FYB1: variants seen among roughly 807,000 people sequenced by gnomAD.
The protein encoded by FYB1 is FYN binding protein 1.
FYB1 carries 41 observed loss-of-function variants against 94.1 expected under a neutral mutation model. That is an observed-to-expected ratio of 0.44 (90% CI 0.34 to 0.57). The LOEUF (loss-of-function observed/expected upper bound fraction) is 0.57. FYB1 is among the 20% of genes least tolerant of loss of function. The pLI, the probability that FYB1 is intolerant of heterozygous loss-of-function variation, is 0.02. For missense variants in FYB1, 1,050 were observed against 976.8 expected, an observed-to-expected ratio of 1.07 and a Z score of -1.00; for synonymous variants, 367 against 353.2, an observed-to-expected ratio of 1.04 and a Z score of -0.44.
At chr5:39,120,590 T>TG (rs1739998902) in intron 14 of FYB1, among the ~76,000 whole-genome samples, 1 of 152,150 alleles carries the variant, frequency 6.6e-6, no homozygotes. Flanking sequence ...TTTAAGAGCT[T>TG]CCCACATGAT....
intron 1 of FYB1, among the ~76,000 whole-genome samples, chr5:39,257,416 AT>A (rs11357799): frequency 0.23 from 33,959 of 145,256 alleles, 5,958 homozygotes; most frequent in African/African-American, 0.51. Context: ...GTCTTGCAGA[AT>A]TTTTTTTTTT....
intron 17 of FYB1, among the ~76,000 whole-genome samples, chr5:39,108,739 T>C (rs1342986895): frequency 1.3e-5 from 2 of 152,090 alleles, no homozygotes; most frequent in Non-Finnish European, 2.9e-5. Context: ...TATAATAAAA[T>C]ATATAAATAT....
intron 1 of FYB1, among the ~76,000 whole-genome samples, chr5:39,264,788 T>C (rs945581074): frequency 6.6e-6 from 1 of 152,182 alleles, no homozygotes; most frequent in African/African-American, 2.4e-5. Context: ...GTGATTCCCA[T>C]GTGCAGCCAG....
Position 39,118,946 on chromosome 5 carries a change from G to T in FYB1, c.2329C>A (p.Pro777Thr). The change falls in exon 16 of 19, where the codon CCT becomes ACT. Residue 777 changes from proline (P) to threonine (T), a missense_variant. Coordinates refer to ENST00000512982, the MANE Select transcript of FYB1 (RefSeq NM_001465.6). ...KWGTRDLQVK[P>T]GESLEVIQTT... ...TGTATAACTTCTAGAGATTCACCAG[G>T]TTTTACCTGTAGATCTCTGGTTCCC... 2 of 1,573,350 alleles carry T rather than the reference G, an allele frequency of 1.3e-6. No homozygotes were observed.
In FYB1 at chr5:39,126,009, A is replaced by T. The variant is rs915515261; in HGVS notation, c.2034T>A (p.Asn678Lys). ...EKPKVSDSDN[N>K]EGSSFPAPPK... ...TGGTTGACTCTTACGATGAACCTTC[A>T]TTATTGTCTGAGTCAGAGACTTTAG... The change falls in exon 12 of 19, where the codon AAT becomes AAA. Residue 678 changes from asparagine to lysine, a missense_variant. Coordinates refer to ENST00000512982, the MANE Select transcript of FYB1 (RefSeq NM_001465.6). 7 of 1,613,156 alleles carry T rather than the reference A, an allele frequency of 4.3e-6. No homozygotes were observed. The highest frequency in any genetic ancestry group is 5.9e-6 in the Non-Finnish European group (7 of 1,179,582).
At chr5:39,147,848 T>C (rs1742816683) in intron 3 of FYB1, among the ~76,000 whole-genome samples, 1 of 151,382 alleles carries the variant, frequency 6.6e-6, no homozygotes, top group South Asian at 2.1e-4. Flanking sequence ...GCCCGGCTAA[T>C]TTTTTGTATT....
At chr5:39,207,861 G>C (rs1749001508) in intron 1 of FYB1, among the ~76,000 whole-genome samples, 1 of 152,192 alleles carries the variant, frequency 6.6e-6, no homozygotes, top group African/African-American at 2.4e-5. Flanking sequence ...CAGGGAAGGG[G>C]TTGGGTAGAG....
At chr5:39,249,756 C>G (rs113668991) in intron 1 of FYB1, among the ~76,000 whole-genome samples, 24 of 152,256 alleles carry the variant, frequency 1.6e-4, no homozygotes, top group African/African-American at 5.8e-4. Context: ...GAGGGATGCA[C>G]TCAGCAAGTT....
intron 9 of FYB1, among the ~76,000 whole-genome samples, chr5:39,132,598 G>A (rs1233741824): frequency 1.3e-5 from 2 of 152,138 alleles, no homozygotes; most frequent in African/African-American, 2.4e-5. Context: ...GGTATGTATG[G>A]ATTCAATAAA....
At chr5:39,177,562 A>T (rs1745852080) in intron 2 of FYB1, among the ~76,000 whole-genome samples, 1 of 152,212 alleles carries the variant, frequency 6.6e-6, no homozygotes, top group African/African-American at 2.4e-5. Context: ...AGTTCTCTAC[A>T]ACGTATTGTG....
At position 39,125,928 on chromosome 5, in the gene FYB1, A is replaced by G. The variant is rs1424885062; in HGVS notation, c.2045+70T>C. The stretch of plus-strand genomic sequence containing the variant: ...AGAATTTGGTTATTGGTTATAGAAT[A>G]TTAGTAGCATTTGATTCAATACATA... On this transcript the variant is annotated intron_variant, in intron 12 of 18. Transcript: ENST00000512982. The G allele has an allele frequency of 4.1e-6, 6 of 1,449,774 alleles. No homozygotes were observed. The African/African-American group carries it at 7.1e-5, about 17-fold the overall frequency. The allele number at this position is 1,449,774 out of a possible 1,614,324, so 89.8% of individuals were successfully genotyped here.
intron 2 of FYB1, among the ~76,000 whole-genome samples, chr5:39,159,018 G>T (rs17380048): frequency 0.17 from 26,318 of 152,034 alleles, 2,532 homozygotes; most frequent in Non-Finnish European, 0.22. Context: ...GGGAGTAATC[G>T]AGCCCTAACT....
intron 1 of FYB1, among the ~76,000 whole-genome samples, chr5:39,225,301 G>A (rs184868608): frequency 1.4e-4 from 22 of 152,286 alleles, no homozygotes; most frequent in Admixed American, 1.4e-3. Flanking sequence ...AGGCTGGGAA[G>A]GCTCCAGAGT....
chr5:39,208,018 C>T (rs1749016026), intron 1 of FYB1, among the ~76,000 whole-genome samples: 1 of 152,104 alleles, frequency 6.6e-6, no homozygotes, highest in Non-Finnish European at 1.5e-5. Flanking sequence ...AGGAAGTCTG[C>T]TTTTAATTTT....
At chr5:39,125,595 T>C (rs1398260592) in intron 12 of FYB1, among the ~76,000 whole-genome samples, 1 of 152,186 alleles carries the variant, frequency 6.6e-6, no homozygotes, top group African/African-American at 2.4e-5. Flanking sequence ...TAAAATACTA[T>C]GCAGTAAAAT....
chr5:39,130,173 G>A (rs1741063906), intron 10 of FYB1, among the ~76,000 whole-genome samples: 2 of 152,076 alleles, frequency 1.3e-5, no homozygotes, highest in Non-Finnish European at 2.9e-5. Context: ...AATACTGCAT[G>A]TACTCACACA....
At chr5:39,230,580 G>T (rs1308747596) in intron 1 of FYB1, among the ~76,000 whole-genome samples, 1 of 151,916 alleles carries the variant, frequency 6.6e-6, no homozygotes, top group Non-Finnish European at 1.5e-5. Flanking sequence ...ATATGTGTGT[G>T]TGTATATATG....
At chr5:39,222,189 A>G (rs1433704788), upstream of FYB1, among the ~76,000 whole-genome samples, 1 of 152,114 alleles carries the variant, frequency 6.6e-6, no homozygotes, top group Non-Finnish European at 1.5e-5. Flanking sequence ...ACTTTGTCCC[A>G]CAAGACTGGG....
At chr5:39,165,002 T>C (rs1241884884) in intron 2 of FYB1, among the ~76,000 whole-genome samples, 1 of 152,210 alleles carries the variant, frequency 6.6e-6, no homozygotes, top group Admixed American at 6.5e-5. Context: ...GGAGATAAAG[T>C]GACTATGACT....
Sources: allele counts gnomAD v4.1 joint callset (sites outside exome capture counted in the v4.1 genomes callset), GRCh38; gene constraint gnomAD v4.1.1; transcripts MANE v1.5; gene names NCBI Gene and HGNC (gene_info 2026-07-23, HGNC 2026-07-21).